LAMC2: variants seen among roughly 807,000 people sequenced by gnomAD.
LAMC2 encodes laminin subunit gamma-2.
In LAMC2, 97 loss-of-function variants were observed where a neutral mutation model predicts 140.2. The ratio of observed to expected loss-of-function variants is 0.69; its 90% CI spans 0.59 to 0.82. The LOEUF (loss-of-function observed/expected upper bound fraction) is 0.82. Ranked by LOEUF, LAMC2 falls within the 40% of genes least tolerant of loss-of-function variation. LAMC2 has a pLI of 0.00. For missense variants in LAMC2, 1,402 were observed against 1,476.1 expected, an observed-to-expected ratio of 0.95 and a Z score of 0.82; for synonymous variants, 513 against 540.2, an observed-to-expected ratio of 0.95 and a Z score of 0.70.
intron 1 of LAMC2, among the ~76,000 whole-genome samples, chr1:183,195,715 A>G (rs1169719381): frequency 6.6e-6 from 1 of 152,218 alleles, no homozygotes; most frequent in East Asian, 1.9e-4. Context: ...CAGTTTTCTT[A>G]TTCTAATTAG....
intron 4 of LAMC2, among the ~76,000 whole-genome samples, chr1:183,220,564 C>T: frequency 6.6e-6 from 1 of 151,920 alleles, no homozygotes; most frequent in Admixed American, 6.6e-5. Context: ...ACTCAGATGC[C>T]AGACCACCAA....
chr1:183,239,736 T>C, intron 20 of LAMC2, 173 bp downstream of exon 20: 1 of 656,722 alleles, frequency 1.5e-6, no homozygotes, highest in Non-Finnish European at 2.6e-6. Context: ...CAGAGAATGA[T>C]GTGTTTTTTT....
rs1043929428 is a variant in LAMC2 at position 183,214,383 on chromosome 1, C to T, written c.269-1070C>T. On this transcript the variant is annotated intron_variant, in intron 2 of 22. Coordinates refer to ENST00000264144, the MANE Select transcript of LAMC2 (RefSeq NM_005562.3). ...CTAGAAAAGTAATATTTAATCAAGA[C>T]CTGAGTGCTGAGAATGTGCCAACTA... Among the ~76,000 whole-genome samples the T allele has an allele frequency of 2.6e-5, 4 of 152,086 alleles. No individual in the cohort carries two copies. The East Asian group carries it at 5.8e-4, about 22-fold the overall frequency.
intron 1 of LAMC2, among the ~76,000 whole-genome samples, chr1:183,186,754 T>C (rs549231047): frequency 1.3e-5 from 2 of 152,366 alleles, no homozygotes; most frequent in Admixed American, 1.3e-4. Flanking sequence ...TTATATACGT[T>C]CTTTCCCCAG....
the LAMC2 span, among the ~76,000 whole-genome samples, chr1:183,258,064 C>T: frequency 7.9e-5 from 12 of 152,162 alleles, no homozygotes; most frequent in African/African-American, 2.7e-4. Context: ...TATGAATTCT[C>T]TTCCAGGGAT....
chr1:183,228,469 A>C lies in LAMC2; in HGVS notation c.1564A>C (p.Asn522His), dbSNP rs557552857. The C allele has an allele frequency of 6.2e-7, 1 of 1,613,806 alleles. No individual in the cohort carries two copies. The highest frequency in any genetic ancestry group is 1.7e-5 in the Admixed American group (1 of 59,984). Residue 522 changes from asparagine (N) to histidine (H), a missense_variant, in exon 11 of 23, where the codon AAT becomes CAT. Physicochemically the swap from Asn to His is moderately conservative, Grantham distance 68. Coordinates refer to ENST00000264144, the MANE Select transcript of LAMC2 (RefSeq NM_005562.3). This position sits in a 1 kb window ranked among gnomAD's most constrained non-coding sequence, Gnocchi z 4.3. Reference protein sequence around the residue: ...RPCQPCQCNNNVDPSASGNCD... With the variant: ...RPCQPCQCNNHVDPSASGNCD... ...TTGTCAGCCCTGTCAATGCAACAAC[A>C]ATGTGGACCCCAGTGCCTCTGGGAA...
chr1:183,246,583 T>A (rs1011711722), downstream of LAMC2, among the ~76,000 whole-genome samples: 1 of 152,244 alleles, frequency 6.6e-6, no homozygotes, highest in Non-Finnish European at 1.5e-5. Context: ...GCCCATAGAC[T>A]ATAACTTCTT....
At chr1:183,239,941 G>A in intron 20 of LAMC2, 99 bp from the exon 21 acceptor site, 2 of 1,312,708 alleles carry the variant, frequency 1.5e-6, no homozygotes, top group South Asian at 2.4e-5. Context: ...CTCCATCAGG[G>A]CCCGGCTGCC....
At chr1:183,189,512 A>G (rs1468551758) in intron 1 of LAMC2, among the ~76,000 whole-genome samples, 1 of 152,188 alleles carries the variant, frequency 6.6e-6, no homozygotes, top group African/African-American at 2.4e-5. Context: ...AGCCTGGGTG[A>G]CAAAGCGAGA....
At chr1:183,192,280 G>A (rs1053094238) in intron 1 of LAMC2, among the ~76,000 whole-genome samples, 5 of 152,044 alleles carry the variant, frequency 3.3e-5, no homozygotes, top group African/African-American at 1.2e-4. Context: ...TTTATTTATT[G>A]TGGGGATATG....
rs1439506007 is a variant in LAMC2 at position 183,205,019 on chromosome 1, C to T, written c.80-2862C>T. Among the ~76,000 whole-genome samples the T allele has an allele frequency of 2.0e-5, 3 of 152,144 alleles. 1 individual carries two copies. The highest frequency in any genetic ancestry group is 2.1e-4 in the South Asian group (1 of 4,820). On this transcript the variant is annotated intron_variant, in intron 1 of 22. Transcript: ENST00000264144. ...TGTATTTTTAGTAGAGACGGGGTTT[C>T]ACTATGTTGGCCAGGCTGGTCTCAA...
At chr1:183,225,784 C>G (rs768293806) in intron 8 of LAMC2, 64 bp downstream of exon 8, 12 of 1,131,154 alleles carry the variant, frequency 1.1e-5, no homozygotes, top group Non-Finnish European at 1.6e-5. Context: ...ATTCAGCTCT[C>G]TAAGGTGGCG....
chr1:183,234,342 T>G, intron 14 of LAMC2, 25 bp from the exon 15 acceptor site: 1 of 1,597,424 alleles, frequency 6.3e-7, no homozygotes, highest in Non-Finnish European at 8.6e-7. Flanking sequence ...CCGATTCGCC[T>G]TAACCGATTC....
intron 1 of LAMC2, among the ~76,000 whole-genome samples, chr1:183,202,257 A>C (rs192929570): frequency 8.5e-4 from 129 of 152,052 alleles, no homozygotes; most frequent in African/African-American, 2.8e-3. Context: ...CACACACACA[A>C]AAAAATTAGC....
At chr1:183,230,155 A>G (rs544215153) in intron 11 of LAMC2, among the ~76,000 whole-genome samples, 1 of 152,290 alleles carries the variant, frequency 6.6e-6, no homozygotes, top group South Asian at 2.1e-4. Flanking sequence ...GCTTTACACC[A>G]CACATTTCTT....
At chr1:183,236,731 G>A in intron 17 of LAMC2, 127 bp downstream of exon 17, 2 of 1,131,786 alleles carry the variant, frequency 1.8e-6, no homozygotes, top group South Asian at 1.3e-5. Context: ...TTTTAGAGTG[G>A]GAAGAGTATT....
rs1048498796 is a variant in LAMC2, at chr1:183,191,628, C to T, written c.79+5197C>T. ...ATCCCAGCACTTTGGGAGGCCGAGG[C>T]GGGCGGATTACCTGAGGTCCAGAGT... On this transcript the variant is annotated intron_variant, in intron 1 of 22. Coordinates refer to ENST00000264144, the MANE Select transcript of LAMC2 (RefSeq NM_005562.3). 7.3e-5 allele frequency among the ~76,000 whole-genome samples: 11 copies of T among 151,640 alleles called. No individual in the cohort carries two copies. The East Asian group carries it at 1.4e-3, about 19-fold the overall frequency.
At position 183,228,282 on chromosome 1, in the gene LAMC2, C is replaced by T. The variant is rs1659691437; in HGVS notation, c.1469-92C>T. The T allele has an allele frequency of 1.3e-6, 2 of 1,550,482 alleles. No individual in the cohort carries two copies. The highest frequency in any genetic ancestry group is 2.3e-5 in the South Asian group (2 of 88,768). ...CCTAGGGAAGCACATTTCTCTGGCT[C>T]TTCTAGAGGGTGACTCGCAACTTTA... On this transcript the variant is annotated intron_variant, in intron 10 of 22. Coordinates refer to ENST00000264144, the MANE Select transcript of LAMC2 (RefSeq NM_005562.3). This position sits in a 1 kb window ranked among gnomAD's most constrained non-coding sequence, Gnocchi z 4.3.
At chr1:183,188,124 C>A (rs2102158115) in intron 1 of LAMC2, among the ~76,000 whole-genome samples, 1 of 152,338 alleles carries the variant, frequency 6.6e-6, no homozygotes, top group East Asian at 1.9e-4. Context: ...CATCCATCTA[C>A]CCCAAGAAGT....
Sources: allele counts gnomAD v4.1 joint callset (sites outside exome capture counted in the v4.1 genomes callset), GRCh38; gene constraint gnomAD v4.1.1; non-coding constraint Gnocchi (gnomAD v3.1); transcripts MANE v1.5; gene names NCBI Gene and HGNC (gene_info 2026-07-23, HGNC 2026-07-21).